Variants in DRC1 observed in about 807,000 individuals in gnomAD.
DRC1 encodes dynein regulatory complex protein 1.
A neutral mutation model predicts 98.7 loss-of-function variants in DRC1; 74 were observed. The ratio of observed to expected loss-of-function variants is 0.75; its 90% CI spans 0.62 to 0.91. The LOEUF (loss-of-function observed/expected upper bound fraction) is 0.91. Among genes scored for constraint, DRC1 ranks in the 40% least tolerant of loss-of-function variants. The pLI, the probability that DRC1 is intolerant of heterozygous loss-of-function variation, is 0.00. For synonymous variants in DRC1, 336 were observed against 334.1 expected, an observed-to-expected ratio of 1.01 and a Z score of -0.06; for missense variants, 875 against 886.0, an observed-to-expected ratio of 0.99 and a Z score of 0.16.
intron 8 of DRC1, among the ~76,000 whole-genome samples, chr2:26,441,768 G>A (rs536281463): frequency 3.9e-5 from 6 of 152,280 alleles, no homozygotes; most frequent in African/African-American, 7.2e-5. Context: ...GGTTTGATGC[G>A]TGTGGCTGAG....
intron 1 of DRC1, among the ~76,000 whole-genome samples, chr2:26,413,448 A>G (rs764047594): frequency 6.6e-6 from 1 of 152,178 alleles, no homozygotes; most frequent in Admixed American, 6.5e-5. Context: ...ACGTTGTTAT[A>G]CTTTACATTC....
rs142783676 is a variant in DRC1 at position 26,441,719 on chromosome 2, AAGGTAGG to A, written c.1028+1206_1028+1212del. Among the ~76,000 whole-genome samples, 1,284 of 152,244 alleles carry A rather than the reference AAGGTAGG, an allele frequency of 8.4e-3. 28 individuals are homozygous for A. The highest frequency in any genetic ancestry group is 0.079 in the South Asian group (380 of 4,822). ...CACACAGTGGGTGAAGAGAATGGGT[AAGGTAGG>A]AGGCGGGAGGAGGCGCTTGAGGCAG... is the stretch of plus-strand genomic sequence containing the variant. On this transcript the variant is annotated intron_variant, in intron 8 of 16. Transcript: ENST00000288710.
Position 26,421,303 on chromosome 2 carries a change from C to G in DRC1, c.259C>G (p.Leu87Val). Residue 87 changes from leucine (L) to valine (V), a missense_variant, in exon 3 of 17, where the codon CTG becomes GTG. By Grantham distance (32) the Leu-to-Val change is conservative (BLOSUM62 1). Transcript: ENST00000288710. Reference sequence around the variant, plus strand: ...CTCTTTTTAGAAATTGGCTAAACTTCTGCTCTGTGGCACCGAGTTGGTGAC... The same window carrying G: ...CTCTTTTTAGAAATTGGCTAAACTTGTGCTCTGTGGCACCGAGTTGGTGAC... ...EESRLKLAKL[L>V]LCGTELVTNI... is the part of the protein sequence containing the mutation. 1 of 1,613,468 alleles carries G rather than the reference C, an allele frequency of 6.2e-7. No individual in the cohort carries two copies. Among genetic ancestry groups the G allele is most frequent in the Non-Finnish European group, 8.5e-7 (1 of 1,179,656 alleles).
chr2:26,438,883 C>A (rs940607029), intron 7 of DRC1, among the ~76,000 whole-genome samples: 1 of 152,166 alleles, frequency 6.6e-6, no homozygotes, highest in Non-Finnish European at 1.5e-5. Flanking sequence ...TGATTGCCTT[C>A]CCCATTCCTG....
At chr2:26,438,155 A>G (rs994715847) in intron 7 of DRC1, among the ~76,000 whole-genome samples, 1 of 151,928 alleles carries the variant, frequency 6.6e-6, no homozygotes, top group Non-Finnish European at 1.5e-5. Flanking sequence ...CTTTACTAAC[A>G]TGGAAAATTG....
chr2:26,403,564 G>A (rs1678320805), intron 1 of DRC1, among the ~76,000 whole-genome samples: 1 of 152,096 alleles, frequency 6.6e-6, no homozygotes, highest in Admixed American at 6.5e-5. Context: ...GGAGGCCAAG[G>A]CAGGAGGATC....
Position 26,444,975 on chromosome 2 carries a change from T to C in DRC1, c.1396+27T>C, listed in dbSNP as rs1663817286. 2.5e-6 allele frequency: 4 copies of C among 1,608,150 alleles called. No homozygotes were observed. The African/African-American group carries it at 5.3e-5, about 21-fold the overall frequency. On this transcript the variant is annotated intron_variant, in intron 10 of 16. Coordinates refer to ENST00000288710, the MANE Select transcript of DRC1 (RefSeq NM_145038.5). The stretch of plus-strand genomic sequence containing the variant: ...TGACTAGAACACTGTCATAGAGCCT[T>C]AGAGCTGGAGGAGCCCCCTGAGAAC...
rs1367142317 is a variant in DRC1, at chr2:26,418,577, T to TAAATTAC, written c.244-2710_244-2709insAATTACA. Among the ~76,000 whole-genome samples, 290 of 105,186 alleles carry TAAATTAC rather than the reference T, an allele frequency of 2.8e-3. 3 individuals are homozygous for TAAATTAC. The highest frequency in any genetic ancestry group is 0.011 in the African/African-American group (269 of 23,834). 69.0% of individuals were successfully genotyped at this position (105,186 alleles called of 152,430 possible). On this transcript the variant is annotated intron_variant, in intron 2 of 16. Transcript: ENST00000288710. ...TATAATTTATATATAATATATATTATATATAAATTATATATAATTTATATA... is the reference window on the plus strand; with the variant it reads ...TATAATTTATATATAATATATATTATAAATTACATATAAATTATATATAATTTATATA...
chr2:26,455,080 G>C, intron 15 of DRC1, 51 bp from the exon 16 acceptor site: 1 of 1,597,066 alleles, frequency 6.3e-7, no homozygotes, highest in South Asian at 1.1e-5. Context: ...GCCCCTACTT[G>C]GCAGAGGATG....
intron 8 of DRC1, among the ~76,000 whole-genome samples, chr2:26,442,791 C>G (rs1358680945): frequency 6.6e-6 from 1 of 152,196 alleles, no homozygotes; most frequent in Non-Finnish European, 1.5e-5. Flanking sequence ...TCCCCTGCAT[C>G]TCTAGCTTCC....
chr2:26,418,360 G>T (rs1572358049), intron 2 of DRC1, among the ~76,000 whole-genome samples: 1 of 150,818 alleles, frequency 6.6e-6, no homozygotes, highest in Non-Finnish European at 1.5e-5. Context: ...CAGAGCTGGG[G>T]GTGGGCTGGG....
chr2:26,410,149 T>C (rs1678555439), intron 1 of DRC1, among the ~76,000 whole-genome samples: 1 of 150,480 alleles, frequency 6.6e-6, no homozygotes, highest in African/African-American at 2.4e-5. Flanking sequence ...AAAAAAATTA[T>C]AGAAATAGAA....
At chr2:26,415,489 T>G (rs1435121446) in intron 2 of DRC1, among the ~76,000 whole-genome samples, 1 of 152,326 alleles carries the variant, frequency 6.6e-6, no homozygotes, top group Non-Finnish European at 1.5e-5. Flanking sequence ...TATAGAGAGA[T>G]CACTGAATAT....
chr2:26,449,886 T>C, intron 11 of DRC1, 110 bp from the exon 12 acceptor site: 1 of 945,912 alleles, frequency 1.1e-6, no homozygotes, highest in Non-Finnish European at 1.6e-6. Flanking sequence ...TCCCTGGGCG[T>C]CTGCTCCGTG....
chr2:26,406,843 G>A (rs1458970186), intron 1 of DRC1, among the ~76,000 whole-genome samples: 3 of 121,788 alleles, frequency 2.5e-5, no homozygotes, highest in African/African-American at 3.4e-5. Context: ...TTTGAGACAG[G>A]GTCTCACTCT....
intron 5 of DRC1, 105 bp downstream of exon 5, chr2:26,429,870 C>A: frequency 1.6e-6 from 2 of 1,221,900 alleles, no homozygotes; most frequent in African/African-American, 1.5e-5. Context: ...ACTTCTCTGT[C>A]CGCTGATTTC....
chr2:26,447,123 A>G (rs1021110927), intron 10 of DRC1, among the ~76,000 whole-genome samples: 29 of 151,118 alleles, frequency 1.9e-4, no homozygotes, highest in Admixed American at 7.9e-4. Context: ...TTAAAAAAAA[A>G]ATAAAAATAG....
At chr2:26,403,415 T>C (rs1678315769) in intron 1 of DRC1, among the ~76,000 whole-genome samples, 2 of 152,260 alleles carry the variant, frequency 1.3e-5, no homozygotes, top group African/African-American at 4.8e-5. Context: ...AAAAATCCCC[T>C]GTGCTCTGCT....
chr2:26,403,447 A>T (rs1362852296), intron 1 of DRC1, among the ~76,000 whole-genome samples: 1 of 152,164 alleles, frequency 6.6e-6, no homozygotes, highest in East Asian at 1.9e-4. Flanking sequence ...GTCTTTTTTT[A>T]ACCATTTATT....
Sources: allele counts gnomAD v4.1 joint callset (sites outside exome capture counted in the v4.1 genomes callset), GRCh38; gene constraint gnomAD v4.1.1; transcripts MANE v1.5; gene names NCBI Gene and HGNC (gene_info 2026-07-23, HGNC 2026-07-21).